FKTN: variants seen among roughly 807,000 people sequenced by gnomAD.
FKTN encodes the protein ribitol-5-phosphate transferase FKTN.
Under a neutral mutation model 58.6 loss-of-function variants are expected in FKTN, and 47 were observed. The observed-to-expected ratio is 0.80, with a 90% confidence interval of 0.63 to 1.02. The LOEUF is 1.02. FKTN is among the 50% of genes least tolerant of loss of function. The pLI, the probability that FKTN is intolerant of heterozygous loss-of-function variation, is 0.00. For missense variants in FKTN, 516 were observed against 537.3 expected (o/e 0.96, Z 0.39); for synonymous variants, 178 against 191.9 (o/e 0.93, Z 0.60).
intron 10 of FKTN, among the ~76,000 whole-genome samples, chr9:105,622,267 C>A (rs1287035511): frequency 6.6e-6 from 1 of 151,772 alleles, no homozygotes. Context: ...TTATAATAAC[C>A]TATTTTTTAT....
At chr9:105,616,377 G>C (rs1830814619) in intron 8 of FKTN, among the ~76,000 whole-genome samples, 1 of 152,104 alleles carries the variant, frequency 6.6e-6, no homozygotes, top group Admixed American at 6.5e-5. Flanking sequence ...TAAAGACAGT[G>C]TCATAAGGTC....
At chr9:105,605,783 T>G (rs1828784291) in intron 6 of FKTN, among the ~76,000 whole-genome samples, 1 of 152,068 alleles carries the variant, frequency 6.6e-6, no homozygotes, top group South Asian at 2.1e-4. Context: ...GGATGGTTAA[T>G]GGGTACAAAA....
chr9:105,578,950 A>T (rs1239229203), intron 3 of FKTN, among the ~76,000 whole-genome samples: 1 of 151,794 alleles, frequency 6.6e-6, no homozygotes, highest in Non-Finnish European at 1.5e-5. Context: ...TTTCTAGTTT[A>T]TTTGTGTAGA....
Position 105,604,416 on chromosome 9 carries a change from C to T in FKTN, c.571C>T (p.Leu191Phe). The T allele has an allele frequency of 6.2e-7, 1 of 1,614,056 alleles. No homozygotes were observed. Among genetic ancestry groups the T allele is most frequent in the Non-Finnish European group, 8.5e-7 (1 of 1,179,920 alleles). ...CTACCTCTGGCACGGCCACTTGAGACTTAAAGAACACATTGACAGGAAATT... is the reference window on the plus strand; with the variant it reads ...CTACCTCTGGCACGGCCACTTGAGATTTAAAGAACACATTGACAGGAAATT... ...GNYLWHGHLR[L>F]KEHIDRKFVP... is the part of the protein sequence containing the mutation. The change falls in exon 6 of 11, where the codon CTT becomes TTT. Residue 191 changes from leucine to phenylalanine, a missense_variant. Coordinates refer to ENST00000357998, the MANE Select transcript of FKTN (RefSeq NM_001079802.2).
chr9:105,576,479 C>G (rs1841734153), intron 3 of FKTN, among the ~76,000 whole-genome samples: 1 of 150,504 alleles, frequency 6.6e-6, no homozygotes, highest in South Asian at 2.1e-4. Flanking sequence ...CATCCATGTC[C>G]CTACAAAGGA....
At chr9:105,619,838 TAAG>T in intron 9 of FKTN, 93 bp from the exon 10 acceptor site, 3 of 1,184,336 alleles carry the variant, frequency 2.5e-6, no homozygotes. Flanking sequence ...ATGTAAAACT[TAAG>T]AATCTGTTTC....
chr9:105,593,645 A>G (rs1283736934), intron 3 of FKTN, among the ~76,000 whole-genome samples: 1 of 152,172 alleles, frequency 6.6e-6, no homozygotes, highest in Non-Finnish European at 1.5e-5. Flanking sequence ...GAGGTTTGGG[A>G]CCCTCCAACA....
chr9:105,605,549 A>C (rs1396642798), intron 6 of FKTN, among the ~76,000 whole-genome samples: 1 of 152,244 alleles, frequency 6.6e-6, no homozygotes, highest in Non-Finnish European at 1.5e-5. Context: ...ATGGAGTACT[A>C]TTCAGCCATA....
chr9:105,575,095 G>T lies in FKTN; in HGVS notation c.63G>T (p.Leu21=). 6.2e-7 allele frequency: 1 copy of T among 1,611,542 alleles called. No homozygotes were observed. The highest frequency in any genetic ancestry group is 8.5e-7 in the Non-Finnish European group (1 of 1,177,816). The part of the protein sequence containing the change: ...ALLTLTSSAF[L]LFQLYYYKHY... ...TAACGCTGACAAGTTCTGCATTTCT[G>T]CTGTTTCAGTTGTACTACTACAAGC... The change falls in exon 3 of 11, where the codon CTG becomes CTT. Residue 21 remains leucine, a synonymous_variant. Transcript: ENST00000357998.
At chr9:105,600,981 C>T (rs1192741591) in intron 4 of FKTN, 164 bp from the exon 5 acceptor site, 1 of 583,702 alleles carries the variant, frequency 1.7e-6, no homozygotes, top group East Asian at 2.9e-5. Flanking sequence ...AGAGCAGAGA[C>T]CATATGTGCT....
At position 105,634,430 on chromosome 9, in the gene FKTN, G is replaced by A. The variant is rs1017805449; in HGVS notation, c.1173-621G>A. Among the ~76,000 whole-genome samples the A allele has an allele frequency of 5.9e-5, 9 of 152,124 alleles. No individual in the cohort carries two copies. In the South Asian group the frequency reaches 6.2e-4, roughly 11 times the overall value. The stretch of plus-strand genomic sequence containing the variant: ...ATTACAGGCGGGAGCCACCACGACC[G>A]GCCTGGTTTAATTTCTAAAACTTAC... On this transcript the variant is annotated intron_variant, in intron 10 of 10. Transcript: ENST00000357998.
At chr9:105,626,803 T>C (rs1832795561) in intron 10 of FKTN, among the ~76,000 whole-genome samples, 1 of 152,102 alleles carries the variant, frequency 6.6e-6, no homozygotes, top group Non-Finnish European at 1.5e-5. Flanking sequence ...TGTTACCAAA[T>C]TGTAGTTTAG....
At chr9:105,574,222 C>T (rs1464417810) in intron 2 of FKTN, 2 of 151,666 alleles carry the variant, frequency 1.3e-5, no homozygotes, top group Non-Finnish European at 2.9e-5. Context: ...ACATATAAAC[C>T]TTAGATATCA....
Position 105,618,007 on chromosome 9 carries a change from T to A in FKTN, c.959T>A (p.Leu320Gln). Residue 320 changes from leucine (L) to glutamine (Q), a missense_variant, in exon 9 of 11, where the codon CTA becomes CAA. By Grantham distance (113) the Leu-to-Gln change is moderately radical. Transcript: ENST00000357998. ...NIIPYSKDVD[L>Q]GIFIQDYKSD... Reference sequence around the variant, plus strand: ...ATTCCTTATAGCAAAGATGTTGACCTAGGAATTTTTATACAAGATTACAAA... The same window carrying A: ...ATTCCTTATAGCAAAGATGTTGACCAAGGAATTTTTATACAAGATTACAAA... 3 of 1,593,346 alleles carry A rather than the reference T, an allele frequency of 1.9e-6. No homozygotes were observed. The highest frequency in any genetic ancestry group is 2.2e-5 in the South Asian group (2 of 90,700).
At chr9:105,632,088 A>G (rs1010252466) in intron 10 of FKTN, among the ~76,000 whole-genome samples, 2 of 151,984 alleles carry the variant, frequency 1.3e-5, no homozygotes, top group Non-Finnish European at 2.9e-5. Flanking sequence ...CTATGCAGCC[A>G]TAAAAAAGGA....
At chr9:105,633,675 A>T (rs1019027825) in intron 10 of FKTN, among the ~76,000 whole-genome samples, 5 of 152,142 alleles carry the variant, frequency 3.3e-5, no homozygotes, top group Non-Finnish European at 2.9e-5. Context: ...GCCAGCTGGG[A>T]TTGTCCATTA....
intron 9 of FKTN, 167 bp from the exon 10 acceptor site, chr9:105,619,766 AT>A: frequency 1.8e-6 from 1 of 559,952 alleles, no homozygotes; most frequent in Non-Finnish European, 3.1e-6. Context: ...TTACTGATGC[AT>A]CCCAATTTCA....
At chr9:105,602,730 A>AT (rs994139141) in intron 5 of FKTN, among the ~76,000 whole-genome samples, 8 of 149,992 alleles carry the variant, frequency 5.3e-5, no homozygotes, top group South Asian at 4.2e-4. Flanking sequence ...TGATTTTTGT[A>AT]TTTTTTTTTA....
intron 1 of FKTN, among the ~76,000 whole-genome samples, chr9:105,569,548 G>C (rs1840362329): frequency 6.6e-6 from 1 of 152,112 alleles, no homozygotes; most frequent in Admixed American, 6.5e-5. Context: ...CTGCCCCAAA[G>C]ACTGAGAGGA....
Sources: allele counts gnomAD v4.1 joint callset (sites outside exome capture counted in the v4.1 genomes callset), GRCh38; gene constraint gnomAD v4.1.1; transcripts MANE v1.5; gene names NCBI Gene and HGNC (gene_info 2026-07-23, HGNC 2026-07-21).